The following ESRRB variants were observed in gnomAD, a reference collection of about 807,000 sequenced individuals.
The protein encoded by ESRRB is estrogen related receptor beta, also known as steroid hormone receptor ERR2.
ESRRB carries 16 observed loss-of-function variants against 46.0 expected under a neutral mutation model. That is an observed-to-expected ratio of 0.35 (90% CI 0.24 to 0.53). The LOEUF is 0.53. Among genes scored for constraint, ESRRB ranks in the 20% least tolerant of loss-of-function variants. The pLI, the probability that ESRRB is intolerant of heterozygous loss-of-function variation, is 0.93. For missense variants in ESRRB, 488 were observed against 607.4 expected, an observed-to-expected ratio of 0.80 and a Z score of 2.07; for synonymous variants, 246 against 259.6, an observed-to-expected ratio of 0.95 and a Z score of 0.50.
intron 1 of ESRRB, among the ~76,000 whole-genome samples, chr14:76,434,520 C>T (rs1003807839): frequency 3.3e-5 from 5 of 151,800 alleles, no homozygotes; most frequent in South Asian, 2.1e-4. Flanking sequence ...ATTAGCCAGG[C>T]GTGGAGTCAC....
intron 1 of ESRRB, among the ~76,000 whole-genome samples, chr14:76,386,921 T>C (rs1282931827): frequency 6.6e-6 from 1 of 152,158 alleles, no homozygotes; most frequent in African/African-American, 2.4e-5. Context: ...TCAAGTCTTT[T>C]TGGGAACCTG....
chr14:76,409,779 G>A (rs2139859349), intron 1 of ESRRB, among the ~76,000 whole-genome samples: 1 of 152,176 alleles, frequency 6.6e-6, no homozygotes, highest in Middle Eastern at 3.4e-3. Context: ...GAGGGTTTTT[G>A]GGGGATGGGG....
chr14:76,493,438 A>G (rs961781189), intron 6 of ESRRB, among the ~76,000 whole-genome samples: 1 of 152,194 alleles, frequency 6.6e-6, no homozygotes, highest in Non-Finnish European at 1.5e-5. Context: ...TACAGGTGTG[A>G]GCCACCACGC....
At chr14:76,311,649 G>A (rs11850158) in intron 1 of ESRRB, among the ~76,000 whole-genome samples, 4,224 of 152,302 alleles carry the variant, frequency 0.028, 203 homozygotes, top group African/African-American at 0.095. Context: ...AAGAGTCCCA[G>A]GCCAAAGCCA....
intron 1 of ESRRB, among the ~76,000 whole-genome samples, chr14:76,388,881 G>A (rs1160967400): frequency 1.3e-5 from 2 of 151,886 alleles, no homozygotes; most frequent in Admixed American, 6.6e-5. Flanking sequence ...TTCTCTTATC[G>A]CCCATTCTCC....
intron 1 of ESRRB, among the ~76,000 whole-genome samples, chr14:76,426,779 C>A (rs1199079757): frequency 1.3e-5 from 2 of 152,024 alleles, no homozygotes; most frequent in Non-Finnish European, 2.9e-5. Context: ...ACCTGTAATC[C>A]CAGCAATTTG....
chr14:76,408,415 C>CA (rs975078717), intron 1 of ESRRB, among the ~76,000 whole-genome samples: 5 of 151,736 alleles, frequency 3.3e-5, no homozygotes, highest in African/African-American at 1.2e-4. Context: ...TCTGTCTCTA[C>CA]AAAAAATTTT....
At chr14:76,320,328 C>T (rs1471794347) in intron 1 of ESRRB, among the ~76,000 whole-genome samples, 1 of 152,214 alleles carries the variant, frequency 6.6e-6, no homozygotes, top group African/African-American at 2.4e-5. Context: ...TTCTATAAGC[C>T]TCTGCCTGAT....
chr14:76,433,881 G>A (rs1310987105), intron 1 of ESRRB, among the ~76,000 whole-genome samples: 2 of 151,640 alleles, frequency 1.3e-5, no homozygotes, highest in Non-Finnish European at 2.9e-5. Context: ...TCCATGACAT[G>A]CTCTATTTTT....
chr14:76,381,455 TGGGA>T (rs1165487553), intron 1 of ESRRB, among the ~76,000 whole-genome samples: 2 of 152,030 alleles, frequency 1.3e-5, no homozygotes, highest in Non-Finnish European at 2.9e-5. Context: ...GATCCGTAGT[TGGGA>T]GGATTTTTTC....
intron 1 of ESRRB, among the ~76,000 whole-genome samples, chr14:76,313,248 G>C (rs1185082212): frequency 6.6e-5 from 10 of 152,022 alleles, no homozygotes; most frequent in Non-Finnish European, 1.3e-4. Context: ...GCATGAGACA[G>C]CCTCTGATTA....
At chr14:76,396,148 G>C (rs572375987) in intron 1 of ESRRB, among the ~76,000 whole-genome samples, 6 of 151,996 alleles carry the variant, frequency 3.9e-5, no homozygotes, top group African/African-American at 1.4e-4. Context: ...ACTCCAACCT[G>C]GTGACAGAGT....
intron 1 of ESRRB, among the ~76,000 whole-genome samples, chr14:76,344,406 T>C (rs767077280): frequency 3.3e-5 from 5 of 152,158 alleles, no homozygotes; most frequent in Non-Finnish European, 4.4e-5. Flanking sequence ...TTTGTTGTCT[T>C]TTACCCCTTG....
intron 1 of ESRRB, among the ~76,000 whole-genome samples, chr14:76,348,418 T>G (rs1431678270): frequency 6.6e-6 from 1 of 152,230 alleles, no homozygotes; most frequent in Non-Finnish European, 1.5e-5. Flanking sequence ...TTTCTTAGTA[T>G]TCTTTCCTTG....
chr14:76,404,666 T>C (rs1272566488), intron 1 of ESRRB, among the ~76,000 whole-genome samples: 1 of 152,178 alleles, frequency 6.6e-6, no homozygotes, highest in African/African-American at 2.4e-5. Flanking sequence ...CTTAGAATCG[T>C]CTCTGGCAAC....
chr14:76,311,014 C>CTT (rs1883726177), intron 1 of ESRRB: 3 of 380,262 alleles, frequency 7.9e-6, no homozygotes, highest in African/African-American at 2.6e-5. Context: ...CTCTCTCTCT[C>CTT]TCTCTCAATG....
intron 2 of ESRRB, among the ~76,000 whole-genome samples, chr14:76,455,907 G>A (rs141334973): frequency 2.6e-5 from 4 of 152,040 alleles, no homozygotes; most frequent in Non-Finnish European, 2.9e-5. Flanking sequence ...AGCTGGGCTT[G>A]GTGGTGCACG....
chr14:76,488,356 T>G (rs1890095883), intron 5 of ESRRB, among the ~76,000 whole-genome samples: 1 of 152,074 alleles, frequency 6.6e-6, no homozygotes, highest in Non-Finnish European at 1.5e-5. Context: ...AAGCAGCCTA[T>G]CAGAGGTTTG....
intron 2 of ESRRB, among the ~76,000 whole-genome samples, chr14:76,447,732 C>T (rs1306692827): frequency 6.6e-6 from 1 of 152,120 alleles, no homozygotes; most frequent in Non-Finnish European, 1.5e-5. Context: ...CCCTACCACC[C>T]CGAACTAACA....
Sources: allele counts gnomAD v4.1 joint callset (sites outside exome capture counted in the v4.1 genomes callset), GRCh38; gene constraint gnomAD v4.1.1; transcripts MANE v1.5; gene names NCBI Gene and HGNC (gene_info 2026-07-23, HGNC 2026-07-21).